The following DAB1 variants were observed in gnomAD, a reference collection of about 807,000 sequenced individuals.
The protein encoded by DAB1 is disabled homolog 1.
DAB1 carries 15 observed loss-of-function variants against 64.6 expected under a neutral mutation model. That is an observed-to-expected ratio of 0.23 (90% CI 0.16 to 0.36). The LOEUF is 0.36. Ranked by LOEUF, DAB1 falls within the 10% of genes least tolerant of loss-of-function variation. The pLI is 1.00. For missense variants in DAB1, 596 were observed against 706.7 expected (o/e 0.84, Z 1.78); for synonymous variants, 235 against 251.9 (o/e 0.93, Z 0.64).
intron 3 of DAB1, chr1:58,468,902 G>A (rs1467588524): frequency 4.2e-6 from 1 of 237,856 alleles, no homozygotes; most frequent in Non-Finnish European, 6.9e-6. Flanking sequence ...CACTTGAAGA[G>A]TGATCTGAGT....
At chr1:58,102,523 T>C (rs1651383084) in intron 5 of DAB1, among the ~76,000 whole-genome samples, 1 of 152,156 alleles carries the variant, frequency 6.6e-6, no homozygotes, top group South Asian at 2.1e-4. Flanking sequence ...CCAGAGATGG[T>C]CAAATGCTAT....
chr1:57,855,922 G>A (rs1653730690), intron 1 of DAB1, among the ~76,000 whole-genome samples: 1 of 152,172 alleles, frequency 6.6e-6, no homozygotes, highest in South Asian at 2.1e-4. Context: ...GGTCCCAGGA[G>A]GCAAGACGCT....
rs115296645 is a variant in DAB1, at chr1:57,128,243, C to T, written c.306+8300G>A. ...TTATCTTGAAAGTTCATATAAAACA[C>T]TCTACACTCATCACTCATCCCAAAA... is the stretch of plus-strand genomic sequence containing the variant. On this transcript the variant is annotated intron_variant, in intron 4 of 14. Transcript: ENST00000371236. 4.6e-3 allele frequency among the ~76,000 whole-genome samples: 702 copies of T among 151,898 alleles called. 7 individuals carry two copies. Among genetic ancestry groups the T allele is most frequent in the African/African-American group, 0.016 (673 of 41,480 alleles).
chr1:58,534,936 C>T (rs920751954), intron 1 of DAB1, among the ~76,000 whole-genome samples: 1 of 151,966 alleles, frequency 6.6e-6, no homozygotes, highest in Non-Finnish European at 1.5e-5. Flanking sequence ...AGGGAGATCC[C>T]ATCTCAAAAA....
At chr1:58,545,900 G>A (rs992730303) in intron 1 of DAB1, among the ~76,000 whole-genome samples, 1 of 152,212 alleles carries the variant, frequency 6.6e-6, no homozygotes, top group Non-Finnish European at 1.5e-5. Context: ...TGGTTCTTAA[G>A]CTTCCAAATG....
In DAB1 at chr1:57,537,584, G is replaced by A. The variant is rs74793458; in HGVS notation, n.625+112008C>T. Among the ~76,000 whole-genome samples the A allele has an allele frequency of 8.4e-3, 1,279 of 152,116 alleles. 17 individuals carry two copies. Among genetic ancestry groups the A allele is most frequent in the African/African-American group, 0.029 (1,224 of 41,518 alleles). On this transcript the variant is annotated intron_variant and non_coding_transcript_variant, in intron 7 of 20. Coordinates refer to the DAB1 transcript ENST00000485760. ...GACTTTTTTTTCAAAAAAGCTCCTA[G>A]GTGATTCTTAAGTGCAGCCTGGGAT...
intron 5 of DAB1, among the ~76,000 whole-genome samples, chr1:58,134,534 A>G (rs1426958041): frequency 1.3e-5 from 2 of 152,158 alleles, no homozygotes; most frequent in East Asian, 3.8e-4. Flanking sequence ...AAAGAGGTTT[A>G]ATCAGCTCAT....
At position 58,179,577 on chromosome 1, in the gene DAB1, G is replaced by A. The variant is rs1470078018; in HGVS notation, n.310-28989C>T. Among the ~76,000 whole-genome samples, 3 of 151,950 alleles carry A rather than the reference G, an allele frequency of 2.0e-5. No individual in the cohort carries two copies. In the South Asian group the frequency reaches 6.3e-4, roughly 32 times the overall value. ...ATTGTGTTAAATTTGCATCTTTCTA[G>A]GAATTTCTTCATTTCATGTAAGTTG... is the stretch of plus-strand genomic sequence containing the variant. On this transcript the variant is annotated intron_variant and non_coding_transcript_variant, in intron 4 of 20. Coordinates refer to the DAB1 transcript ENST00000485760.
chr1:58,207,880 A>G (rs1212247873), intron 4 of DAB1, among the ~76,000 whole-genome samples: 2 of 152,224 alleles, frequency 1.3e-5, no homozygotes, highest in African/African-American at 4.8e-5. Context: ...CACTGCTAGA[A>G]GGACATACCT....
intron 6 of DAB1, among the ~76,000 whole-genome samples, chr1:57,712,234 T>C (rs566233445): frequency 6.6e-6 from 1 of 152,326 alleles, no homozygotes; most frequent in South Asian, 2.1e-4. Flanking sequence ...AAGTTACTAT[T>C]GCCACAATTT....
intron 4 of DAB1, among the ~76,000 whole-genome samples, chr1:58,263,864 C>T (rs148582845): frequency 4.5e-4 from 68 of 152,286 alleles, no homozygotes; most frequent in African/African-American, 1.5e-3. Context: ...ATTTCTTATT[C>T]TGAAACAAAG....
chr1:57,812,378 G>A (rs1292369756), intron 6 of DAB1, among the ~76,000 whole-genome samples: 6 of 151,438 alleles, frequency 4.0e-5, no homozygotes, highest in Non-Finnish European at 8.8e-5. Context: ...AAAGGCAAGG[G>A]AAACTCAGAG....
At chr1:58,144,273 A>G (rs1654469049) in intron 5 of DAB1, among the ~76,000 whole-genome samples, 1 of 152,252 alleles carries the variant, frequency 6.6e-6, no homozygotes, top group Middle Eastern at 3.2e-3. Flanking sequence ...AAAGCATGTT[A>G]TTAAGGGAGA....
chr1:57,205,602 A>C (rs1434907651), intron 2 of DAB1, among the ~76,000 whole-genome samples: 2 of 152,228 alleles, frequency 1.3e-5, no homozygotes, highest in African/African-American at 2.4e-5. Flanking sequence ...GGATGCATAA[A>C]TACATCATCT....
chr1:57,922,959 CCTTT>C (rs1229754305), intron 5 of DAB1, among the ~76,000 whole-genome samples: 5 of 151,618 alleles, frequency 3.3e-5, no homozygotes, highest in African/African-American at 4.8e-5. Context: ...TCTCTTCCTC[CCTTT>C]CTTTCTTCCT....
At chr1:57,152,111 G>A (rs1031066958) in intron 2 of DAB1, among the ~76,000 whole-genome samples, 1 of 152,188 alleles carries the variant, frequency 6.6e-6, no homozygotes. Context: ...ACCATGCCGG[G>A]TGTCTTTTCT....
intron 4 of DAB1, among the ~76,000 whole-genome samples, chr1:58,327,315 G>C (rs940677223): frequency 6.6e-6 from 1 of 152,154 alleles, no homozygotes; most frequent in Non-Finnish European, 1.5e-5. Context: ...AAGGAAGGAA[G>C]AGGAGAAGGA....
At chr1:57,576,646 G>A (rs1394867334) in intron 7 of DAB1, among the ~76,000 whole-genome samples, 1 of 152,214 alleles carries the variant, frequency 6.6e-6, no homozygotes. Context: ...GGAACTGTGA[G>A]ATGATAGATT....
intron 5 of DAB1, among the ~76,000 whole-genome samples, chr1:58,047,008 G>T (rs1647285357): frequency 6.6e-6 from 1 of 152,276 alleles, no homozygotes; most frequent in East Asian, 1.9e-4. Context: ...TTCTTTAGCT[G>T]TAAAATAAGG....
Sources: gnomAD v4.1 joint callset for allele counts (sites outside exome capture counted in the v4.1 genomes callset) on GRCh38, gnomAD v4.1.1 for gene constraint, MANE v1.5 for transcripts, NCBI Gene and HGNC (gene_info 2026-07-23, HGNC 2026-07-21) for gene names.